ERC1: variants seen among roughly 807,000 people sequenced by gnomAD.
ERC1 encodes the protein ELKS/RAB6-interacting/CAST family member 1.
ERC1 carries 56 observed loss-of-function variants against 132.0 expected under a neutral mutation model. The observed-to-expected ratio is 0.42, with a 90% CI of 0.34 to 0.53. ERC1 has a LOEUF of 0.53. ERC1 is among the 20% of genes least tolerant of loss of function. The probability of loss-of-function intolerance (pLI) is 0.03; values close to 1 mark genes in which losing one functional copy is unlikely to be tolerated. For synonymous variants in ERC1, 478 were observed against 476.1 expected, an observed-to-expected ratio of 1.00 and a Z score of -0.05; for missense variants, 1,202 against 1,349.9, an observed-to-expected ratio of 0.89 and a Z score of 1.72.
intron 15 of ERC1, among the ~76,000 whole-genome samples, chr12:1,294,084 A>G (rs2079719926): frequency 6.6e-6 from 1 of 152,172 alleles, no homozygotes; most frequent in South Asian, 2.1e-4. Flanking sequence ...ATCTACAATC[A>G]ACTATCCCTT....
intron 7 of ERC1, among the ~76,000 whole-genome samples, chr12:1,132,233 A>C (rs1042497065): frequency 6.6e-6 from 1 of 152,202 alleles, no homozygotes; most frequent in Non-Finnish European, 1.5e-5. Context: ...AAAAAAGCAG[A>C]CTAAGACAAA....
At chr12:1,201,447 TG>T (rs1436042729) in intron 12 of ERC1, among the ~76,000 whole-genome samples, 2 of 152,256 alleles carry the variant, frequency 1.3e-5, no homozygotes, top group African/African-American at 2.4e-5. Context: ...TCATTTTAAA[TG>T]TACGTGTAGT....
intron 17 of ERC1, among the ~76,000 whole-genome samples, chr12:1,418,407 T>TATCTC (rs1329216989): frequency 2.6e-5 from 4 of 152,204 alleles, no homozygotes; most frequent in Non-Finnish European, 5.9e-5. Context: ...AGAATGTCCT[T>TATCTC]ATCTCTGAAG....
chr12:1,183,248 T>C, intron 10 of ERC1, 33 bp from the exon 11 acceptor site: 1 of 1,419,294 alleles, frequency 7.0e-7, no homozygotes, highest in Non-Finnish European at 9.4e-7. Context: ...TTTTTTAAAA[T>C]TATTTATTCT....
In ERC1 at chr12:1,440,868, A is replaced by G. The variant is rs1298634353; in HGVS notation, c.3025-3694A>G. Among the ~76,000 whole-genome samples the G allele has an allele frequency of 2.0e-5, 3 of 149,526 alleles. No individual in the cohort carries two copies. The South Asian group carries it at 6.4e-4, about 32-fold the overall frequency. On this transcript the variant is annotated intron_variant, in intron 17 of 18. Transcript: ENST00000360905. ...ACTGTGTTGGCCAGACTGCTCTCGAACTCCTGTCCCCAAGTGATCCACCCA... is the reference window on the plus strand; with the variant it reads ...ACTGTGTTGGCCAGACTGCTCTCGAGCTCCTGTCCCCAAGTGATCCACCCA...
chr12:1,065,203 G>T (rs537213641), intron 2 of ERC1, among the ~76,000 whole-genome samples: 1 of 152,036 alleles, frequency 6.6e-6, no homozygotes, highest in Admixed American at 6.6e-5. Flanking sequence ...GTTTCACCAT[G>T]ATGGCCAGGC....
At chr12:1,293,327 C>T (rs922285503) in intron 15 of ERC1, among the ~76,000 whole-genome samples, 17 of 147,838 alleles carry the variant, frequency 1.1e-4, no homozygotes, top group African/African-American at 4.0e-4. Flanking sequence ...GTGGCGGGCG[C>T]CTGTAGTCCC....
intron 17 of ERC1, among the ~76,000 whole-genome samples, chr12:1,437,477 T>C (rs1004798889): frequency 6.6e-6 from 1 of 152,224 alleles, no homozygotes; most frequent in East Asian, 1.9e-4. Context: ...GAGAGACACA[T>C]AGATATGCTC....
intron 7 of ERC1, among the ~76,000 whole-genome samples, chr12:1,132,985 AGCT>A (rs929124485): frequency 2.0e-5 from 3 of 151,806 alleles, no homozygotes; most frequent in African/African-American, 7.3e-5. Flanking sequence ...CCTCCCGAGT[AGCT>A]GGGATTACAG....
chr12:1,228,445 G>A (rs909156772), intron 12 of ERC1, among the ~76,000 whole-genome samples: 4 of 114,500 alleles, frequency 3.5e-5, no homozygotes, highest in African/African-American at 4.0e-5. Context: ...TTTTATGCAG[G>A]CTTTAGGGTT....
chr12:1,389,273 T>C (rs2089722604), intron 16 of ERC1, among the ~76,000 whole-genome samples: 1 of 152,218 alleles, frequency 6.6e-6, no homozygotes, highest in Non-Finnish European at 1.5e-5. Context: ...AGCCGTTGGC[T>C]GGAGATGCTC....
intron 2 of ERC1, among the ~76,000 whole-genome samples, chr12:1,045,646 A>G (rs752358777): frequency 8.5e-5 from 13 of 152,142 alleles, no homozygotes; most frequent in Non-Finnish European, 1.3e-4. Flanking sequence ...ACATCTAGCA[A>G]GTGACAGATA....
At chr12:1,201,718 A>G (rs746979695) in intron 12 of ERC1, among the ~76,000 whole-genome samples, 2 of 152,204 alleles carry the variant, frequency 1.3e-5, no homozygotes, top group Non-Finnish European at 2.9e-5. Flanking sequence ...TTGAATTGAT[A>G]GTCATTTACT....
chr12:1,342,479 AAAAC>A (rs1220608066), intron 15 of ERC1, among the ~76,000 whole-genome samples: 4 of 151,578 alleles, frequency 2.6e-5, no homozygotes, highest in African/African-American at 7.3e-5. Flanking sequence ...AAAAAAAAAA[AAAAC>A]AAAAAAAAGA....
chr12:1,444,559 T>G lies in ERC1; in HGVS notation c.3025-3T>G. On this transcript the variant is annotated splice_region_variant and splice_polypyrimidine_tract_variant and intron_variant, in intron 17 of 18. Coordinates refer to ENST00000360905, the MANE Select transcript of ERC1 (RefSeq NM_178040.4). ...TTTATTTTATTTTATTTTTTTGCCT[T>G]AGATCATCCAGCCCCTCTTAGAACT... The G allele has an allele frequency of 1.3e-6, 2 of 1,593,706 alleles. No homozygotes were observed. The highest frequency in any genetic ancestry group is 1.7e-6 in the Non-Finnish European group (2 of 1,169,292).
chr12:1,397,932 T>C (rs1043818413), intron 16 of ERC1, among the ~76,000 whole-genome samples: 29 of 152,198 alleles, frequency 1.9e-4, no homozygotes, highest in Non-Finnish European at 1.5e-5. Flanking sequence ...CAGCTAACTT[T>C]ATAATACAGA....
rs1192961489 is a variant in ERC1, at chr12:1,485,960, T to C, written c.3214-4133T>C. Among the ~76,000 whole-genome samples the C allele has an allele frequency of 3.9e-5, 6 of 152,370 alleles. No homozygotes were observed. In the East Asian group the frequency reaches 1.2e-3, roughly 29 times the overall value. ...TTAACCAGTTTGGAATTTATGTTGC[T>C]GTATGGTATAAGCAAGAATACAACC... On this transcript the variant is annotated intron_variant, in intron 18 of 18. Coordinates refer to ENST00000360905, the MANE Select transcript of ERC1 (RefSeq NM_178040.4).
intron 15 of ERC1, among the ~76,000 whole-genome samples, chr12:1,363,927 G>C (rs751367749): frequency 3.3e-5 from 5 of 152,230 alleles, no homozygotes; most frequent in African/African-American, 2.4e-5. Context: ...GAGATGAGCA[G>C]CAAGTGAGAA....
At chr12:1,047,994 T>C (rs1395051806) in intron 2 of ERC1, among the ~76,000 whole-genome samples, 1 of 152,228 alleles carries the variant, frequency 6.6e-6, no homozygotes, top group Non-Finnish European at 1.5e-5. Flanking sequence ...CTTTCATCTT[T>C]AAATTGTGGA....
Sources: gnomAD v4.1 joint callset for allele counts (sites outside exome capture counted in the v4.1 genomes callset) on GRCh38, gnomAD v4.1.1 for gene constraint, MANE v1.5 for transcripts, NCBI Gene and HGNC (gene_info 2026-07-23, HGNC 2026-07-21) for gene names.